Variants in TFDP2 observed in about 807,000 individuals in gnomAD.
The protein encoded by TFDP2 is transcription factor Dp-2 (E2F dimerization partner 2).
A neutral mutation model predicts 59.3 loss-of-function variants in TFDP2; 17 were observed. That is an observed-to-expected ratio of 0.29 (90% CI 0.20 to 0.43). TFDP2 has a LOEUF of 0.43. TFDP2 is among the 20% of genes least tolerant of loss of function. TFDP2 has a pLI of 1.00. For missense variants in TFDP2, 391 were observed against 528.8 expected, an observed-to-expected ratio of 0.74 and a Z score of 2.56; for synonymous variants, 180 against 194.7, an observed-to-expected ratio of 0.92 and a Z score of 0.63.
At chr3:142,032,902 T>C (rs926576960) in intron 3 of TFDP2, among the ~76,000 whole-genome samples, 5 of 152,148 alleles carry the variant, frequency 3.3e-5, no homozygotes, top group Admixed American at 3.3e-4. Context: ...GTGATTAAAA[T>C]TAAATAAAAT....
At chr3:141,964,520 T>C (rs11569258) in intron 9 of TFDP2, among the ~76,000 whole-genome samples, 3 of 152,032 alleles carry the variant, frequency 2.0e-5, no homozygotes, top group Non-Finnish European at 4.4e-5. Context: ...GGCATGGTGG[T>C]ATGTGCCTAT....
chr3:142,138,940 C>T (rs1334459673), intron 1 of TFDP2, among the ~76,000 whole-genome samples: 5 of 152,040 alleles, frequency 3.3e-5, no homozygotes, highest in Admixed American at 6.6e-5. Flanking sequence ...TCTTCTGTCT[C>T]GTTGATCTAA....
At chr3:141,956,323 G>A (rs1308672825) in intron 11 of TFDP2, among the ~76,000 whole-genome samples, 8 of 152,100 alleles carry the variant, frequency 5.3e-5, no homozygotes, top group Non-Finnish European at 1.2e-4. Flanking sequence ...AGGCCGAAGC[G>A]GGTGGATCAC....
chr3:141,977,107 T>TATATATATA (rs1491255094), intron 7 of TFDP2, among the ~76,000 whole-genome samples: 174 of 86,598 alleles, frequency 2.0e-3, no homozygotes, highest in African/African-American at 5.8e-3. Flanking sequence ...TATATATATA[T>TATATATATA]TTTTTTTTTT....
At chr3:142,048,414 A>AG (rs1947454192) in intron 3 of TFDP2, among the ~76,000 whole-genome samples, 1 of 151,324 alleles carries the variant, frequency 6.6e-6, no homozygotes, top group South Asian at 2.1e-4. Context: ...CCCTGTCTTA[A>AG]GGGAAAAAAA....
chr3:141,997,197 ATAAATATTTAC>A (rs1177307196), intron 4 of TFDP2, among the ~76,000 whole-genome samples: 1 of 152,192 alleles, frequency 6.6e-6, no homozygotes, highest in Non-Finnish European at 1.5e-5. Context: ...GAAAGGTACA[ATAAATATTTAC>A]TAACTGGGAT....
chr3:142,048,461 G>A (rs1055084278), intron 3 of TFDP2, among the ~76,000 whole-genome samples: 2 of 151,712 alleles, frequency 1.3e-5, no homozygotes, highest in Non-Finnish European at 2.9e-5. Context: ...ATTAGTAGAG[G>A]TATAGTTTTC....
At chr3:142,030,030 T>C (rs373127830) in intron 3 of TFDP2, among the ~76,000 whole-genome samples, 103 of 152,354 alleles carry the variant, frequency 6.8e-4, no homozygotes, top group African/African-American at 2.5e-3. Flanking sequence ...CGCTGTAAAG[T>C]ATTTGGTGCT....
chr3:141,999,059 C>A (rs983827820), intron 4 of TFDP2, among the ~76,000 whole-genome samples: 34 of 152,178 alleles, frequency 2.2e-4, no homozygotes, highest in African/African-American at 7.7e-4. Context: ...GACCCTTGAA[C>A]AACATGGGCT....
intron 10 of TFDP2, among the ~76,000 whole-genome samples, chr3:141,961,040 G>C (rs1214732433): frequency 1.3e-5 from 2 of 152,160 alleles, no homozygotes; most frequent in African/African-American, 4.8e-5. Flanking sequence ...TGGGGGAACA[G>C]TGTCCACAAT....
At chr3:142,125,499 C>G (rs1453766772) in intron 1 of TFDP2, among the ~76,000 whole-genome samples, 5 of 152,082 alleles carry the variant, frequency 3.3e-5, no homozygotes, top group African/African-American at 9.7e-5. Context: ...CATACACACA[C>G]ACGCACACAC....
chr3:141,960,309 T>A (rs1014731380), intron 10 of TFDP2, among the ~76,000 whole-genome samples: 1 of 152,228 alleles, frequency 6.6e-6, no homozygotes, highest in African/African-American at 2.4e-5. Flanking sequence ...AATAGAAGAC[T>A]TTCAACAAGT....
intron 3 of TFDP2, among the ~76,000 whole-genome samples, chr3:142,047,074 A>G (rs529180796): frequency 1.5e-4 from 23 of 152,348 alleles, no homozygotes; most frequent in African/African-American, 5.3e-4. Flanking sequence ...TATTAAATAC[A>G]GTATAGTAAA....
intron 4 of TFDP2, among the ~76,000 whole-genome samples, chr3:141,997,359 G>A (rs1314979547): frequency 6.6e-6 from 1 of 152,114 alleles, no homozygotes; most frequent in Admixed American, 6.5e-5. Context: ...TGCTGACCTT[G>A]GATGGACAAC....
chr3:141,974,953 G>A (rs922919518), intron 7 of TFDP2, among the ~76,000 whole-genome samples: 4 of 117,666 alleles, frequency 3.4e-5, no homozygotes, highest in Non-Finnish European at 4.8e-5. Flanking sequence ...TCGCTCTCTC[G>A]CCCACACTGG....
intron 3 of TFDP2, among the ~76,000 whole-genome samples, chr3:142,076,819 C>A (rs2060474366): frequency 6.6e-6 from 1 of 152,130 alleles, no homozygotes; most frequent in Non-Finnish European, 1.5e-5. Flanking sequence ...TACCCATGGT[C>A]CCTCCATTTA....
At chr3:141,968,516 T>G (rs1355624601) in intron 9 of TFDP2, among the ~76,000 whole-genome samples, 1 of 110,344 alleles carries the variant, frequency 9.1e-6, no homozygotes, top group African/African-American at 4.1e-5. Flanking sequence ...AACATATATA[T>G]CTCATATATA....
chr3:141,956,098 G>A (rs571870470), intron 11 of TFDP2, among the ~76,000 whole-genome samples: 1 of 152,220 alleles, frequency 6.6e-6, no homozygotes, highest in East Asian at 1.9e-4. Context: ...GTAAGCCACC[G>A]CACCCAACCT....
At chr3:141,990,173 C>T (rs140605229) in intron 6 of TFDP2, among the ~76,000 whole-genome samples, 202 of 152,274 alleles carry the variant, frequency 1.3e-3, no homozygotes, top group African/African-American at 4.6e-3. Context: ...GGATTACAGG[C>T]GTGAGCCACC....
Sources: allele counts gnomAD v4.1 joint callset (sites outside exome capture counted in the v4.1 genomes callset), GRCh38; gene constraint gnomAD v4.1.1; transcripts MANE v1.5; gene names NCBI Gene and HGNC (gene_info 2026-07-23, HGNC 2026-07-21).